Variants in ROS1 observed in about 807,000 individuals in gnomAD.
ROS1 encodes ROS proto-oncogene 1, receptor tyrosine kinase, also known as proto-oncogene tyrosine-protein kinase ROS.
Under a neutral mutation model 273.5 loss-of-function variants are expected in ROS1, and 263 were observed. That is an observed-to-expected ratio of 0.96 (90% CI 0.87 to 1.06). The LOEUF (loss-of-function observed/expected upper bound fraction) is 1.06, where lower values mean the gene tolerates loss of function less well. Among genes scored for constraint, ROS1 ranks in the 50% least tolerant of loss-of-function variants. The pLI is 0.00. For synonymous variants in ROS1, 1,008 were observed against 954.1 expected, an observed-to-expected ratio of 1.06 and a Z score of -1.04; for missense variants, 2,833 against 2,751.1, an observed-to-expected ratio of 1.03 and a Z score of -0.67.
intron 38 of ROS1, among the ~76,000 whole-genome samples, chr6:117,317,647 C>T (rs747830711): frequency 6.6e-6 from 1 of 152,034 alleles, no homozygotes. Context: ...CTCAGAAATG[C>T]GGGTTTGGCT....
intron 4 of ROS1, 26 bp from the exon 5 acceptor site, chr6:117,409,668 T>C: frequency 6.2e-7 from 1 of 1,604,690 alleles, no homozygotes; most frequent in South Asian, 1.1e-5. Context: ...AGCATGACAG[T>C]CAGGGCAGCC....
At chr6:117,326,160 T>C (rs1776631152) in intron 34 of ROS1, 64 bp downstream of exon 34, 2 of 765,182 alleles carry the variant, frequency 2.6e-6, no homozygotes. Flanking sequence ...GTTAAGAATG[T>C]ACTGATATTT....
intron 26 of ROS1, 121 bp downstream of exon 26, chr6:117,356,508 A>T: frequency 2.3e-6 from 2 of 855,990 alleles, no homozygotes; most frequent in Non-Finnish European, 3.4e-6. Context: ...AACACTTGGC[A>T]TGGTACAGAG....
At chr6:117,403,953 G>A (rs992215471) in intron 6 of ROS1, among the ~76,000 whole-genome samples, 1 of 152,122 alleles carries the variant, frequency 6.6e-6, no homozygotes, top group African/African-American at 2.4e-5. Context: ...TTAAAAATTG[G>A]GGGCAGGGCG....
rs765959636 is a variant in ROS1, at chr6:117,403,240, T to G, written c.503A>C (p.His168Pro). Residue 168 changes from histidine (H) to proline (P), a missense_variant, in exon 7 of 44, where the codon CAC becomes CCC. Physicochemically the swap from His to Pro is moderately conservative, Grantham distance 77. Transcript: ENST00000368507. The part of the protein sequence containing the change: ...SRPSYVVKPL[H>P]PFTEYIFRVV... ...TCGGAAAATGTACTCAGTGAAGGGGTGCAGGGGCTTGACCACATAGGACGG... is the reference window on the plus strand; with the variant it reads ...TCGGAAAATGTACTCAGTGAAGGGGGGCAGGGGCTTGACCACATAGGACGG... 1.2e-6 allele frequency: 2 copies of G among 1,612,208 alleles called. No individual in the cohort carries two copies. Among genetic ancestry groups the G allele is most frequent in the South Asian group, 1.1e-5 (1 of 90,540 alleles).
intron 12 of ROS1, among the ~76,000 whole-genome samples, chr6:117,392,808 A>C (rs2128709842): frequency 6.6e-6 from 1 of 152,244 alleles, no homozygotes; most frequent in Non-Finnish European, 1.5e-5. Context: ...TGAGAACCAA[A>C]CCAGAGGAAT....
chr6:117,365,970 T>C, intron 19 of ROS1, 106 bp downstream of exon 19: 1 of 1,009,460 alleles, frequency 9.9e-7, no homozygotes. Context: ...ACTGAAACCT[T>C]ACTCCTCTTA....
At position 117,365,093 on chromosome 6, in the gene ROS1, T is replaced by C. The variant is rs1381266956; in HGVS notation, c.3070A>G (p.Lys1024Glu). The change falls in exon 21 of 44, where the codon AAA becomes GAA. Residue 1024 changes from lysine (K) to glutamate (E), a missense_variant. Transcript: ENST00000368507. ...GGTGCTCGAAGTGACAGAGATGTTT[T>C]GGGGCCCTTTCCCCAGTAGGTATAA... ...TPYTYWGKGP[K>E]TSLSLRAPET... 4 of 1,613,852 alleles carry C rather than the reference T, an allele frequency of 2.5e-6. No homozygotes were observed. The highest frequency in any genetic ancestry group is 1.6e-4 in the Middle Eastern group (1 of 6,084).
rs1772334612 is a variant in ROS1 at position 117,383,612 on chromosome 6, C to T, written c.2290-104G>A. On this transcript the variant is annotated intron_variant, in intron 16 of 43. Coordinates refer to ENST00000368507, the MANE Select transcript of ROS1 (RefSeq NM_001378902.1). The stretch of plus-strand genomic sequence containing the variant: ...TAAATTGCTTGATTAATCATTCATT[C>T]ATTCAACCACAAATAGTGATTGGCA... The T allele has an allele frequency of 4.5e-6, 4 of 887,008 alleles. No homozygotes were observed. The South Asian group carries it at 4.6e-5, about 10-fold the overall frequency. 54.9% of individuals were successfully genotyped at this position (887,008 alleles called of 1,614,324 possible). A position where few individuals can be genotyped will look rare whatever the true frequency, so the allele number is the denominator to read the frequency against.
intron 42 of ROS1, chr6:117,301,378 A>G: frequency 2.9e-6 from 1 of 347,148 alleles, no homozygotes; most frequent in East Asian, 5.8e-5. Context: ...TATTATTCCA[A>G]ATAAATAGAT....
rs768985780 is a variant in ROS1, at chr6:117,324,345, G to C, written c.5610C>G (p.Ile1870Met). The change falls in exon 35 of 44, where the codon ATC (isoleucine) becomes ATG (methionine). Residue 1870 changes from isoleucine to methionine, a missense_variant. Transcript: ENST00000368507. ...TATTATACTTACCAAAGGTCAGTGG[G>C]ATTGTAACAACCAGAAATATTCCAA... ...IIVGIFLVVT[I>M]PLTFVWHRRL... 6.6e-7 allele frequency: 1 copy of C among 1,514,640 alleles called. No homozygotes were observed. The allele number at this position is 1,514,640 out of a possible 1,614,324, so 93.8% of individuals were successfully genotyped here.
intron 27 of ROS1, among the ~76,000 whole-genome samples, chr6:117,346,974 A>G (rs1778432047): frequency 6.6e-6 from 1 of 152,080 alleles, no homozygotes; most frequent in Admixed American, 6.6e-5. Flanking sequence ...CTTTCCCAGA[A>G]TGTCATATAG....
intron 7 of ROS1, 60 bp downstream of exon 7, chr6:117,403,079 A>G (rs990810088): frequency 1.3e-6 from 2 of 1,580,080 alleles, no homozygotes; most frequent in African/African-American, 2.7e-5. Context: ...TAAAATAAAA[A>G]CAAACTAAAT....
In ROS1 at chr6:117,319,870, T is replaced by G. The variant is rs377281534; in HGVS notation, c.5920A>C (p.Lys1974Gln). The change falls in exon 37 of 44, where the codon AAG becomes CAG. Residue 1974 changes from lysine (K) to glutamine (Q), a missense_variant and splice_region_variant. Coordinates refer to ENST00000368507, the MANE Select transcript of ROS1 (RefSeq NM_001378902.1). ...VGSGEIKVAV[K>Q]TLKKGSTDQE... ...AGGAGTTCGAAGATTCACATTACCT[T>G]CACTGCTACTTTGATTTCTCCACTT... 3.1e-6 allele frequency: 5 copies of G among 1,612,666 alleles called. No homozygotes were observed. Among genetic ancestry groups the G allele is most frequent in the Admixed American group, 1.7e-5 (1 of 59,930 alleles).
chr6:117,344,343 T>C, intron 27 of ROS1, 81 bp from the exon 28 acceptor site: 1 of 968,908 alleles, frequency 1.0e-6, no homozygotes, highest in Non-Finnish European at 1.5e-6. Flanking sequence ...AAGAATAATA[T>C]CAAAGCTTAG....
chr6:117,352,919 AAGG>A (rs975972174), intron 27 of ROS1, 68 bp downstream of exon 27: 3 of 1,388,492 alleles, frequency 2.2e-6, no homozygotes, highest in African/African-American at 1.4e-5. Context: ...AGCCTTGGAG[AAGG>A]AGATGTTATG....
chr6:117,315,879 T>A (rs1370754623), intron 39 of ROS1, among the ~76,000 whole-genome samples: 1 of 152,132 alleles, frequency 6.6e-6, no homozygotes, highest in African/African-American at 2.4e-5. Flanking sequence ...TACTAGATTG[T>A]CTGATACTGT....
At chr6:117,397,464 G>T (rs1455342631) in intron 7 of ROS1, among the ~76,000 whole-genome samples, 1 of 152,126 alleles carries the variant, frequency 6.6e-6, no homozygotes, top group Non-Finnish European at 1.5e-5. Flanking sequence ...AGGAAGAAGA[G>T]GAGAGTCTGA....
chr6:117,311,334 T>G (rs932901940), intron 39 of ROS1, among the ~76,000 whole-genome samples: 1 of 152,204 alleles, frequency 6.6e-6, no homozygotes, highest in East Asian at 1.9e-4. Context: ...ACAGCTATGT[T>G]TAGTAAGTAG....
Sources: gnomAD v4.1 joint callset for allele counts (sites outside exome capture counted in the v4.1 genomes callset) on GRCh38, gnomAD v4.1.1 for gene constraint, MANE v1.5 for transcripts, NCBI Gene and HGNC (gene_info 2026-07-23, HGNC 2026-07-21) for gene names.